Variants in TTLL5 observed in about 807,000 individuals in gnomAD.
The protein encoded by TTLL5 is tubulin polyglutamylase TTLL5.
Under a neutral mutation model 168.4 loss-of-function variants are expected in TTLL5, and 132 were observed. The ratio of observed to expected loss-of-function variants is 0.78; its 90% CI spans 0.68 to 0.91. TTLL5 has a LOEUF of 0.91. TTLL5 is among the 40% of genes least tolerant of loss of function. TTLL5 has a pLI of 0.00. For synonymous variants in TTLL5, 546 were observed against 558.6 expected, an observed-to-expected ratio of 0.98 and a Z score of 0.32; for missense variants, 1,545 against 1,581.5, an observed-to-expected ratio of 0.98 and a Z score of 0.39.
intron 31 of TTLL5, chr14:75,930,634 G>A: frequency 7.1e-6 from 7 of 985,378 alleles, no homozygotes; most frequent in Non-Finnish European, 8.4e-6. Context: ...GTGGATCAGA[G>A]GTCAAGTGGG....
rs55821177 is a variant in TTLL5 at position 75,690,626 on chromosome 14, AT to A, written c.502+317del. ...ATGACTTAGTGCCTATGTAAGTATT[AT>A]TTTTTTTTTTTTAAGAGACAGAGCC... is the stretch of plus-strand genomic sequence containing the variant. On this transcript the variant is annotated intron_variant, in intron 6 of 31. Transcript: ENST00000298832. Among the ~76,000 whole-genome samples, 274 of 147,002 alleles carry A rather than the reference AT, an allele frequency of 1.9e-3. 1 individual carries two copies. Among genetic ancestry groups the A allele is most frequent in the African/African-American group, 6.3e-3 (250 of 39,892 alleles).
At chr14:75,780,819 T>C (rs1157125438) in intron 24 of TTLL5, among the ~76,000 whole-genome samples, 1 of 152,236 alleles carries the variant, frequency 6.6e-6, no homozygotes, top group Non-Finnish European at 1.5e-5. Context: ...CCAGCCCTTT[T>C]CTTTGAGTTT....
chr14:75,862,072 A>G lies in TTLL5; in HGVS notation c.3327-1595A>G, dbSNP rs376670010. The stretch of plus-strand genomic sequence containing the variant: ...TACTTTCTGTCTCTAAAATTTGCCT[A>G]TTCCAGGTACCTCACATAAGTGGCA... On this transcript the variant is annotated intron_variant, in intron 28 of 31. Transcript: ENST00000298832. 1.9e-3 allele frequency among the ~76,000 whole-genome samples: 282 copies of G among 152,254 alleles called. 1 individual carries two copies. Among genetic ancestry groups the G allele is most frequent in the African/African-American group, 6.5e-3 (272 of 41,546 alleles).
At chr14:75,837,268 T>G (rs1422794438) in intron 28 of TTLL5, 1 of 152,222 alleles carries the variant, frequency 6.6e-6, no homozygotes, top group Non-Finnish European at 1.5e-5. Context: ...CCACATGGAC[T>G]TCTCCACTGG....
chr14:75,779,812 TA>T, intron 24 of TTLL5, 110 bp downstream of exon 24: 1 of 1,143,200 alleles, frequency 8.7e-7, no homozygotes, highest in South Asian at 2.1e-5. Flanking sequence ...GTCCCCAAGG[TA>T]ATGAGACTTT....
intron 7 of TTLL5, among the ~76,000 whole-genome samples, chr14:75,700,578 C>A (rs1415034553): frequency 6.7e-6 from 1 of 148,382 alleles, no homozygotes; most frequent in Non-Finnish European, 1.5e-5. Context: ...AGGAGAGATG[C>A]AAAACCCCGG....
At chr14:75,779,779 A>C in intron 24 of TTLL5, 77 bp downstream of exon 24, 2 of 1,466,224 alleles carry the variant, frequency 1.4e-6, no homozygotes, top group Non-Finnish European at 1.8e-6. Context: ...AATGAGGAAT[A>C]ATGTGTTGGC....
chr14:75,829,467 A>G (rs1895436840), intron 28 of TTLL5, among the ~76,000 whole-genome samples: 1 of 152,186 alleles, frequency 6.6e-6, no homozygotes, highest in Non-Finnish European at 1.5e-5. Flanking sequence ...AGGAAGAGAA[A>G]TACATTTACT....
chr14:75,770,559 G>T (rs150218070), intron 20 of TTLL5, among the ~76,000 whole-genome samples: 1 of 152,168 alleles, frequency 6.6e-6, no homozygotes, highest in Non-Finnish European at 1.5e-5. Context: ...TCAGAAGGCC[G>T]ATCAGCTGAA....
chr14:75,714,024 G>A (rs978845285), intron 9 of TTLL5, among the ~76,000 whole-genome samples: 2 of 151,354 alleles, frequency 1.3e-5, no homozygotes, highest in African/African-American at 4.9e-5. Context: ...TCGGGTCTCC[G>A]TAGTCTCCTT....
intron 24 of TTLL5, among the ~76,000 whole-genome samples, chr14:75,781,441 G>A (rs1892043621): frequency 6.6e-6 from 1 of 152,098 alleles, no homozygotes; most frequent in South Asian, 2.1e-4. Flanking sequence ...AAATTCGTAT[G>A]TCTTTATTCT....
At chr14:75,835,404 C>T (rs1895814177) in intron 28 of TTLL5, 1 of 152,130 alleles carries the variant, frequency 6.6e-6, no homozygotes, top group African/African-American at 2.4e-5. Flanking sequence ...TATTTATTGC[C>T]CTCATTAGAC....
chr14:75,734,854 G>C lies in TTLL5; in HGVS notation c.1187-341G>C, dbSNP rs1888784462. On this transcript the variant is annotated intron_variant, in intron 14 of 31. Transcript: ENST00000298832. ...TCATCATCCAGGTAGCCACTTTAAA[G>C]TAACTTGTTTTTATTAACAACTGTG... Among the ~76,000 whole-genome samples the C allele has an allele frequency of 2.0e-5, 3 of 152,320 alleles. No individual in the cohort carries two copies. The South Asian group carries it at 6.2e-4, about 32-fold the overall frequency.
At chr14:75,767,568 GT>G (rs1891040948) in intron 20 of TTLL5, among the ~76,000 whole-genome samples, 2 of 152,124 alleles carry the variant, frequency 1.3e-5, no homozygotes, top group Admixed American at 1.3e-4. Flanking sequence ...AGCTTGGTGT[GT>G]TTACAAAATA....
chr14:75,923,338 T>A (rs2033895494), intron 31 of TTLL5, among the ~76,000 whole-genome samples: 1 of 152,222 alleles, frequency 6.6e-6, no homozygotes, highest in African/African-American at 2.4e-5. Context: ...CTTTCTCTTG[T>A]GGGCATTTAG....
chr14:75,898,281 T>C (rs1183889089), intron 30 of TTLL5, among the ~76,000 whole-genome samples: 1 of 152,186 alleles, frequency 6.6e-6, no homozygotes, highest in Admixed American at 6.5e-5. Flanking sequence ...AGTCAGTCAG[T>C]TTCAGTTCCC....
At chr14:75,852,977 CTAA>C (rs539288512) in intron 28 of TTLL5, among the ~76,000 whole-genome samples, 10 of 152,152 alleles carry the variant, frequency 6.6e-5, no homozygotes, top group Non-Finnish European at 1.5e-4. Context: ...TTCTTTTTTA[CTAA>C]TGAGAGTAGT....
intron 31 of TTLL5, among the ~76,000 whole-genome samples, chr14:75,944,321 A>G (rs2034702566): frequency 6.6e-6 from 1 of 152,110 alleles, no homozygotes; most frequent in African/African-American, 2.4e-5. Context: ...TCAGTGAGGG[A>G]CACCATCCTC....
chr14:75,765,331 A>T (rs1890903284), intron 19 of TTLL5, among the ~76,000 whole-genome samples: 1 of 152,182 alleles, frequency 6.6e-6, no homozygotes, highest in South Asian at 2.1e-4. Context: ...GTCCTCATAG[A>T]ACTTACAAGG....
Sources: allele counts gnomAD v4.1 joint callset (sites outside exome capture counted in the v4.1 genomes callset), GRCh38; gene constraint gnomAD v4.1.1; transcripts MANE v1.5; gene names NCBI Gene and HGNC (gene_info 2026-07-23, HGNC 2026-07-21).